Variants in PITPNM3 observed in about 807,000 individuals in gnomAD.
The protein encoded by PITPNM3 is membrane-associated phosphatidylinositol transfer protein 3.
A neutral mutation model predicts 102.0 loss-of-function variants in PITPNM3; 26 were observed. That is an observed-to-expected ratio of 0.25 (90% CI 0.19 to 0.35). The LOEUF (loss-of-function observed/expected upper bound fraction) is 0.35. Among genes scored for constraint, PITPNM3 ranks in the 10% least tolerant of loss-of-function variants. The pLI is 1.00. For synonymous variants in PITPNM3, 578 were observed against 558.6 expected, an observed-to-expected ratio of 1.03 and a Z score of -0.49; for missense variants, 1,083 against 1,346.1, an observed-to-expected ratio of 0.80 and a Z score of 3.06.
chr17:6,544,860 C>T lies in PITPNM3; in HGVS notation c.23-6778G>A, dbSNP rs921267234. Among the ~76,000 whole-genome samples, 44 of 27,008 alleles carry T rather than the reference C, an allele frequency of 1.6e-3. 1 individual carries two copies. The highest frequency in any genetic ancestry group is 5.3e-3 in the African/African-American group (37 of 6,962). The allele number at this position is 27,008 out of a possible 152,430, so 17.7% of individuals were successfully genotyped here. A position where few individuals can be genotyped will look rare whatever the true frequency, so the allele number is the denominator to read the frequency against. ...TGGCTCATGCAGCCACACACACACA[C>T]ACACTCACACACACACACACGCACA... On this transcript the variant is annotated intron_variant, in intron 1 of 19. Transcript: ENST00000262483.
intron 4 of PITPNM3, among the ~76,000 whole-genome samples, chr17:6,496,315 T>C: frequency 6.6e-6 from 1 of 152,080 alleles, no homozygotes; most frequent in Non-Finnish European, 1.5e-5. Context: ...GCTTCTCTTA[T>C]CCTGACCAAG....
rs779934066 is a variant in PITPNM3 at position 6,455,328 on chromosome 17, A to C, written c.*10T>G. 1.9e-6 allele frequency: 3 copies of C among 1,565,914 alleles called. No individual in the cohort carries two copies. The highest frequency in any genetic ancestry group is 2.6e-6 in the Non-Finnish European group (3 of 1,158,180). On this transcript the variant is annotated 3_prime_UTR_variant, in exon 20 of 20. Coordinates refer to ENST00000262483, the MANE Select transcript of PITPNM3 (RefSeq NM_031220.4). The stretch of plus-strand genomic sequence containing the variant: ...GCCCCCCGCTCCCTGCTCTGAGCAC[A>C]GCCCACCCCTCAGGGCACCGACTCG...
intron 1 of PITPNM3, among the ~76,000 whole-genome samples, chr17:6,546,839 T>C (rs1910045062): frequency 6.6e-6 from 1 of 152,114 alleles, no homozygotes; most frequent in Non-Finnish European, 1.5e-5. Flanking sequence ...ACCCCATCTC[T>C]ACTAAAAAAT....
chr17:6,474,451 C>A lies in PITPNM3; in HGVS notation c.1239G>T (p.Thr413=), dbSNP rs1417224049. The change falls in exon 10 of 20, where the codon ACG becomes ACT. Residue 413 remains threonine (T), a synonymous_variant. Coordinates refer to ENST00000262483, the MANE Select transcript of PITPNM3 (RefSeq NM_031220.4). The part of the protein sequence containing the change: ...PLGLVLAMRR[T]VLPGLDGFQV... Reference sequence around the variant, plus strand: ...CCCTACCGTCCAGCCCAGGCAGCACCGTCCTCCGCATGGCCAGGACCAGGC... The same window carrying A: ...CCCTACCGTCCAGCCCAGGCAGCACAGTCCTCCGCATGGCCAGGACCAGGC... 1 of 1,613,452 alleles carries A rather than the reference C, an allele frequency of 6.2e-7. No individual in the cohort carries two copies.
Position 6,478,246 on chromosome 17 carries a change from A to G in PITPNM3, c.778-149T>C, listed in dbSNP as rs1374939070. The G allele has an allele frequency of 2.2e-6, 3 of 1,383,188 alleles. No homozygotes were observed. Among genetic ancestry groups the G allele is most frequent in the African/African-American group, 2.9e-5 (2 of 69,992 alleles). The allele number at this position is 1,383,188 out of a possible 1,614,324, so 85.7% of individuals were successfully genotyped here. A position where few individuals can be genotyped will look rare whatever the true frequency, so the allele number is the denominator to read the frequency against. On this transcript the variant is annotated intron_variant, in intron 7 of 19. Coordinates refer to ENST00000262483, the MANE Select transcript of PITPNM3 (RefSeq NM_031220.4). The surrounding 1 kb of genome is among the most constrained non-coding windows in gnomAD (Gnocchi z 4.4). ...GAGCCCAACTGGGAAGCAGTGTGCAAACTGGGGAGGGTCAGGGTTGGCGTT... is the reference window on the plus strand; with the variant it reads ...GAGCCCAACTGGGAAGCAGTGTGCAGACTGGGGAGGGTCAGGGTTGGCGTT...
Position 6,478,822 on chromosome 17 carries a change from A to G in PITPNM3, c.588-86T>C, listed in dbSNP as rs1264974451. The G allele has an allele frequency of 1.6e-5, 22 of 1,366,908 alleles. No individual in the cohort carries two copies. The highest frequency in any genetic ancestry group is 2.5e-5 in the East Asian group (1 of 39,858). 84.7% of individuals were successfully genotyped at this position (1,366,908 alleles called of 1,614,324 possible). On this transcript the variant is annotated intron_variant, in intron 6 of 19. Transcript: ENST00000262483. This position sits in a 1 kb window ranked among gnomAD's most constrained non-coding sequence, Gnocchi z 4.4. Reference sequence around the variant, plus strand: ...CTGAGGATCAGGCAGAAGAGAGCACATACTGGCCAGGAATTGGGCTCCAGG... The same window carrying G: ...CTGAGGATCAGGCAGAAGAGAGCACGTACTGGCCAGGAATTGGGCTCCAGG...
chr17:6,461,385 G>A lies in PITPNM3; in HGVS notation c.2478C>T (p.Asn826=), dbSNP rs1904442788. 1 of 1,614,104 alleles carries A rather than the reference G, an allele frequency of 6.2e-7. No homozygotes were observed. Residue 826 remains asparagine, a synonymous_variant, in exon 18 of 20, where the codon AAC becomes AAT. Transcript: ENST00000262483. ...GATGGCCACTCACCTCCTGCATGAG[G>A]TTGCGCAGGAAGATGGCCTTCTGCC... ...PLRQKAIFLR[N]LMQECFIKIS...
Position 6,469,373 on chromosome 17 carries a change from C to T in PITPNM3, c.1773+887G>A, listed in dbSNP as rs771981432. ...CTGGAGCACCCTGGCCTGGGTGCCA[C>T]CGGGCTGGGGACCCACCCCCAGCCC... is the stretch of plus-strand genomic sequence containing the variant. On this transcript the variant is annotated intron_variant, in intron 13 of 19. Transcript: ENST00000262483. This position sits in a 1 kb window ranked among gnomAD's most constrained non-coding sequence, Gnocchi z 4.0. Among the ~76,000 whole-genome samples, 26 of 152,046 alleles carry T rather than the reference C, an allele frequency of 1.7e-4. No individual in the cohort carries two copies. Among genetic ancestry groups the T allele is most frequent in the Non-Finnish European group, 3.7e-4 (25 of 67,982 alleles).
chr17:6,481,691 T>G (rs1905678067), intron 6 of PITPNM3: 1 of 151,692 alleles, frequency 6.6e-6, no homozygotes, highest in Non-Finnish European at 1.5e-5. Flanking sequence ...CTCTGTGATA[T>G]TATGCTCCAT....
At chr17:6,489,128 C>T (rs561610560) in intron 4 of PITPNM3, among the ~76,000 whole-genome samples, 1 of 152,320 alleles carries the variant, frequency 6.6e-6, no homozygotes, top group East Asian at 1.9e-4. Flanking sequence ...CAATGCGCCA[C>T]ACTGCTCTTG....
In PITPNM3 at chr17:6,452,426, A is replaced by G. The variant is rs1489526041; in HGVS notation, c.*2912T>C. 6.6e-6 allele frequency: 1 copy of G among 152,194 alleles called. No individual in the cohort carries two copies. Among genetic ancestry groups the G allele is most frequent in the Non-Finnish European group, 1.5e-5 (1 of 68,052 alleles). 9.4% of individuals were successfully genotyped at this position (152,194 alleles called of 1,614,324 possible). A position where few individuals can be genotyped will look rare whatever the true frequency, so the allele number is the denominator to read the frequency against. On this transcript the variant is annotated 3_prime_UTR_variant, in exon 20 of 20. Coordinates refer to ENST00000262483, the MANE Select transcript of PITPNM3 (RefSeq NM_031220.4). ...CAAGGAGCTTTGGTCAGGCAGGAAGATCTGTTTCCAGCTGCTGGAGAGCAG... is the reference window on the plus strand; with the variant it reads ...CAAGGAGCTTTGGTCAGGCAGGAAGGTCTGTTTCCAGCTGCTGGAGAGCAG...
In PITPNM3 at chr17:6,477,069, C is replaced by T. The variant is rs1224910412; in HGVS notation, c.1045G>A (p.Asp349Asn). Residue 349 changes from aspartate to asparagine, a missense_variant, in exon 9 of 20, where the codon GAC becomes AAC. Physicochemically the swap from Asp to Asn is conservative, Grantham distance 23. This residue lies in a region of PITPNM3 where 172 missense variants were observed against 175.6 expected (regional missense o/e 0.98). Coordinates refer to ENST00000262483, the MANE Select transcript of PITPNM3 (RefSeq NM_031220.4). ...TGGTGCTGGGTGATGGCCTCGCAGT[C>T]ATAGGTGGAGGAGTCGCTCTGTTTC... ...PRKQSDSSTYDCEAITQHHAF... is the reference protein window; with the variant it reads ...PRKQSDSSTYNCEAITQHHAF... The T allele has an allele frequency of 6.2e-7, 1 of 1,614,156 alleles. No homozygotes were observed. Among genetic ancestry groups the T allele is most frequent in the South Asian group, 1.1e-5 (1 of 91,050 alleles).
chr17:6,509,359 C>T (rs903197740), intron 3 of PITPNM3, among the ~76,000 whole-genome samples: 2 of 152,218 alleles, frequency 1.3e-5, no homozygotes, highest in African/African-American at 4.8e-5. Context: ...AGCCTTCCTG[C>T]ATCACACTGG....
chr17:6,459,526 C>G lies in PITPNM3; in HGVS notation c.2491-1804G>C, dbSNP rs1567658538. 6.6e-6 allele frequency among the ~76,000 whole-genome samples: 1 copy of G among 152,154 alleles called. No individual in the cohort carries two copies. The highest frequency in any genetic ancestry group is 1.5e-5 in the Non-Finnish European group (1 of 68,016). On this transcript the variant is annotated intron_variant, in intron 18 of 19. Transcript: ENST00000262483. The surrounding 1 kb of genome is among the most constrained non-coding windows in gnomAD (Gnocchi z 5.0). ...TCTCCACCTGCAGCCCAGAACTACC[C>G]TAAGCCATATCAGGTCCCGTGGCTG...
chr17:6,533,470 T>C (rs1364388249), intron 2 of PITPNM3, among the ~76,000 whole-genome samples: 5 of 145,330 alleles, frequency 3.4e-5, no homozygotes, highest in Non-Finnish European at 6.2e-5. Flanking sequence ...GTTGTTTTTC[T>C]TCCAGGCAGA....
chr17:6,527,694 C>T (rs1281776299), intron 2 of PITPNM3, among the ~76,000 whole-genome samples: 6 of 152,232 alleles, frequency 3.9e-5, no homozygotes, highest in Non-Finnish European at 5.9e-5. Flanking sequence ...ATTCAATCTA[C>T]GGTGAATAGA....
chr17:6,452,205 T>A lies in PITPNM3; in HGVS notation c.*3133A>T, dbSNP rs993840519. On this transcript the variant is annotated 3_prime_UTR_variant, in exon 20 of 20. Transcript: ENST00000262483. The stretch of plus-strand genomic sequence containing the variant: ...AATGCATGAAAGGAGTCTGCTTTTT[T>A]AAAAAAGAAATATTTTATGGAGCCC... 1.3e-5 allele frequency: 2 copies of A among 152,172 alleles called. No individual in the cohort carries two copies. Among genetic ancestry groups the A allele is most frequent in the Non-Finnish European group, 2.9e-5 (2 of 68,026 alleles). The allele number at this position is 152,172 out of a possible 1,614,324, so 9.4% of individuals were successfully genotyped here. A position where few individuals can be genotyped will look rare whatever the true frequency, so the allele number is the denominator to read the frequency against.
At chr17:6,502,709 C>T (rs929763287) in intron 4 of PITPNM3, among the ~76,000 whole-genome samples, 47 of 152,130 alleles carry the variant, frequency 3.1e-4, no homozygotes, top group African/African-American at 1.1e-3. Flanking sequence ...CTGAGCACAA[C>T]CCCACCCCAA....
Position 6,455,600 on chromosome 17 carries a change from G to T in PITPNM3, c.2663C>A (p.Ala888Asp). Residue 888 changes from alanine to aspartate, a missense_variant, in exon 20 of 20, where the codon GCC becomes GAC. By Grantham distance (126) the Ala-to-Asp change is moderately radical (BLOSUM62 -2). Transcript: ENST00000262483. ...GYAAHLAALE[A>D]SHRSRPKKNN... The stretch of plus-strand genomic sequence containing the variant: ...CTTCTTTGGGCGTGAGCGGTGGCTG[G>T]CCTCCAGCGCGGCCAGGTGTGCGGC... 1 of 1,592,536 alleles carries T rather than the reference G, an allele frequency of 6.3e-7. No individual in the cohort carries two copies. Among genetic ancestry groups the T allele is most frequent in the East Asian group, 2.3e-5 (1 of 44,428 alleles).
Sources: gnomAD v4.1 joint callset for allele counts (sites outside exome capture counted in the v4.1 genomes callset) on GRCh38, gnomAD v4.1.1 for gene constraint, gnomAD v4.1.1 regional missense constraint, Gnocchi (gnomAD v3.1) non-coding constraint, MANE v1.5 for transcripts, NCBI Gene and HGNC (gene_info 2026-07-23, HGNC 2026-07-21) for gene names.